The following ATP10B variants were observed in gnomAD, a reference collection of about 807,000 sequenced individuals.
ATP10B encodes the protein phospholipid-transporting ATPase VB.
ATP10B carries 122 observed loss-of-function variants against 141.2 expected under a neutral mutation model. That is an observed-to-expected ratio of 0.86 (90% CI 0.75 to 1.00). ATP10B has a LOEUF of 1.00. ATP10B is among the 50% of genes least tolerant of loss of function. The probability of loss-of-function intolerance (pLI) is 0.00; values close to 1 mark genes in which losing one functional copy is unlikely to be tolerated. For missense variants in ATP10B, 1,876 were observed against 1,825.3 expected (o/e 1.03, Z -0.51); for synonymous variants, 685 against 692.0 (o/e 0.99, Z 0.16).
intron 3 of ATP10B, among the ~76,000 whole-genome samples, chr5:160,692,369 GATCAAAGCAAGT>G (rs1439690498): frequency 1.3e-5 from 2 of 152,104 alleles, no homozygotes; most frequent in African/African-American, 4.8e-5. Context: ...TTACAACAGA[GATCAAAGCAAGT>G]ATTGAAGCTG....
In ATP10B at chr5:160,828,976, A is replaced by G. The variant is rs1162317782; in HGVS notation, c.-576+22965T>C. On this transcript the variant is annotated intron_variant, in intron 1 of 25. Coordinates refer to ENST00000327245, the MANE Select transcript of ATP10B (RefSeq NM_025153.3). The stretch of plus-strand genomic sequence containing the variant: ...GCAAGGACAAAAAACCAAACACCGC[A>G]TGTTCTCACTCATAGATGGGAATTG... 2.1e-5 allele frequency among the ~76,000 whole-genome samples: 3 copies of G among 142,354 alleles called. No homozygotes were observed. In the East Asian group the frequency reaches 6.7e-4, roughly 32 times the overall value. 93.4% of individuals were successfully genotyped at this position (142,354 alleles called of 152,430 possible). A position where few individuals can be genotyped will look rare whatever the true frequency, so the allele number is the denominator to read the frequency against.
intron 9 of ATP10B, among the ~76,000 whole-genome samples, chr5:160,641,295 C>A (rs1759843902): frequency 6.6e-6 from 1 of 152,158 alleles, no homozygotes; most frequent in African/African-American, 2.4e-5. Context: ...CTGGGACCAG[C>A]AGTTTCCCTA....
intron 2 of ATP10B, among the ~76,000 whole-genome samples, chr5:160,749,756 C>A (rs1768035970): frequency 6.6e-6 from 1 of 152,152 alleles, no homozygotes; most frequent in African/African-American, 2.4e-5. Flanking sequence ...TAACACTGGA[C>A]TTCCTGGAAG....
chr5:160,901,121 C>T, the ATP10B span, among the ~76,000 whole-genome samples: 70,046 of 151,768 alleles, frequency 0.46, 17,273 homozygotes, highest in Non-Finnish European at 0.54. Context: ...ACAAGCCAAA[C>T]TGAGAAGGAC....
intron 24 of ATP10B, among the ~76,000 whole-genome samples, chr5:160,586,775 TG>T (rs1452616918): frequency 6.6e-6 from 1 of 152,224 alleles, no homozygotes. Context: ...TGTCATCTTT[TG>T]AGAAGTATGT....
intron 2 of ATP10B, among the ~76,000 whole-genome samples, chr5:160,782,558 C>A (rs913630047): frequency 1.3e-5 from 2 of 151,796 alleles, no homozygotes; most frequent in African/African-American, 2.4e-5. Flanking sequence ...TATTCTAGTC[C>A]TCTATGGTTC....
the ATP10B span, among the ~76,000 whole-genome samples, chr5:160,879,718 G>C: frequency 6.6e-6 from 1 of 151,898 alleles, no homozygotes; most frequent in African/African-American, 2.4e-5. Flanking sequence ...GGCGCCTGTA[G>C]TCCCAGCTAC....
intron 2 of ATP10B, among the ~76,000 whole-genome samples, chr5:160,718,863 C>G (rs1765810777): frequency 6.6e-6 from 1 of 152,132 alleles, no homozygotes; most frequent in Non-Finnish European, 1.5e-5. Context: ...AGGGACAAAC[C>G]AAACCCTAGT....
At chr5:160,848,722 T>C (rs1490289145) in intron 1 of ATP10B, among the ~76,000 whole-genome samples, 3 of 152,130 alleles carry the variant, frequency 2.0e-5, no homozygotes, top group Non-Finnish European at 4.4e-5. Context: ...AGATTAGCAA[T>C]GGGTAGAGAG....
chr5:160,774,876 G>A (rs1017536302), intron 2 of ATP10B, among the ~76,000 whole-genome samples: 3 of 152,120 alleles, frequency 2.0e-5, no homozygotes, highest in African/African-American at 7.2e-5. Flanking sequence ...ATCTCACAGT[G>A]TCTTAGGGTT....
At chr5:160,664,808 T>C (rs1762222120) in intron 7 of ATP10B, among the ~76,000 whole-genome samples, 1 of 152,226 alleles carries the variant, frequency 6.6e-6, no homozygotes, top group African/African-American at 2.4e-5. Context: ...CAGGGACATG[T>C]TTGATCTGAA....
chr5:160,637,961 C>T (rs960232435), intron 10 of ATP10B, among the ~76,000 whole-genome samples: 6 of 152,126 alleles, frequency 3.9e-5, no homozygotes, highest in Non-Finnish European at 7.3e-5. Context: ...GGGAATAAGA[C>T]AAGTATGGGA....
intron 1 of ATP10B, among the ~76,000 whole-genome samples, chr5:160,845,004 C>A (rs185707219): frequency 6.7e-6 from 1 of 149,368 alleles, no homozygotes; most frequent in East Asian, 2.0e-4. Flanking sequence ...GGAATCAGAT[C>A]GGATTTGGCC....
chr5:160,701,142 C>A (rs1764646248), intron 3 of ATP10B, among the ~76,000 whole-genome samples: 1 of 152,106 alleles, frequency 6.6e-6, no homozygotes, highest in Admixed American at 6.6e-5. Context: ...GTCTCTTTTC[C>A]ACAGTGAAAT....
intron 13 of ATP10B, among the ~76,000 whole-genome samples, chr5:160,624,743 A>G (rs148280799): frequency 6.6e-6 from 1 of 152,328 alleles, no homozygotes; most frequent in East Asian, 1.9e-4. Context: ...ATGAATCCCG[A>G]CTTAACTAAA....
At chr5:160,701,771 T>A (rs1019874522) in intron 3 of ATP10B, among the ~76,000 whole-genome samples, 2 of 148,168 alleles carry the variant, frequency 1.3e-5, no homozygotes, top group African/African-American at 2.5e-5. Flanking sequence ...AGTCACCCTT[T>A]TATTCTAATG....
Position 160,589,625 on chromosome 5 carries a change from G to T in ATP10B, c.3717C>A (p.Ile1239=). Residue 1239 remains isoleucine (I), a synonymous_variant, in exon 24 of 26, where the codon ATC becomes ATA. Coordinates refer to ENST00000327245, the MANE Select transcript of ATP10B (RefSeq NM_025153.3). ...TCATTTCCATTGCCTGGTGCAAAAGGATTGTGGTGAGGGAGATGGTGTTGA... is the reference window on the plus strand; with the variant it reads ...TCATTTCCATTGCCTGGTGCAAAAGTATTGTGGTGAGGGAGATGGTGTTGA... ...TPINTISLTT[I]LLHQAMEMKT... 1 of 1,614,106 alleles carries T rather than the reference G, an allele frequency of 6.2e-7. No individual in the cohort carries two copies. The highest frequency in any genetic ancestry group is 8.5e-7 in the Non-Finnish European group (1 of 1,179,980).
intron 18 of ATP10B, among the ~76,000 whole-genome samples, chr5:160,609,009 G>A (rs1320193466): frequency 6.6e-6 from 1 of 152,084 alleles, no homozygotes; most frequent in Non-Finnish European, 1.5e-5. Context: ...CTTTGCCCAT[G>A]CCTTTGTCCT....
intron 24 of ATP10B, among the ~76,000 whole-genome samples, chr5:160,572,197 T>TC (rs1554090958): frequency 0.011 from 1,658 of 151,514 alleles, 27 homozygotes; most frequent in African/African-American, 0.038. Flanking sequence ...AGTTTTTTTT[T>TC]CCCCTTTTTT....
Sources: gnomAD v4.1 joint callset for allele counts (sites outside exome capture counted in the v4.1 genomes callset) on GRCh38, gnomAD v4.1.1 for gene constraint, MANE v1.5 for transcripts, NCBI Gene and HGNC (gene_info 2026-07-23, HGNC 2026-07-21) for gene names.